GALNT14: variants seen among roughly 807,000 people sequenced by gnomAD.
GALNT14 encodes polypeptide N-acetylgalactosaminyltransferase 14.
A neutral mutation model predicts 77.5 loss-of-function variants in GALNT14; 60 were observed. That is an observed-to-expected ratio of 0.77 (90% CI 0.63 to 0.96). The LOEUF is 0.96. Among genes scored for constraint, GALNT14 ranks in the 40% least tolerant of loss-of-function variants. The probability of loss-of-function intolerance (pLI) is 0.00; values close to 1 mark genes in which losing one functional copy is unlikely to be tolerated. For missense variants in GALNT14, 710 were observed against 731.0 expected (o/e 0.97, Z 0.33); for synonymous variants, 280 against 281.7 (o/e 0.99, Z 0.06).
chr2:31,006,368 C>T (rs991087974), intron 1 of GALNT14, among the ~76,000 whole-genome samples: 2 of 151,980 alleles, frequency 1.3e-5, no homozygotes, highest in East Asian at 3.9e-4. Flanking sequence ...AGTGGTGTAG[C>T]GTTTACTACA....
intron 2 of GALNT14, among the ~76,000 whole-genome samples, chr2:30,977,561 T>C (rs1450079772): frequency 6.6e-6 from 1 of 152,180 alleles, no homozygotes; most frequent in Non-Finnish European, 1.5e-5. Flanking sequence ...CAGAGAAGCA[T>C]CATTCCCTCC....
chr2:31,014,684 G>A (rs1671238930), intron 1 of GALNT14, among the ~76,000 whole-genome samples: 1 of 152,180 alleles, frequency 6.6e-6, no homozygotes, highest in Admixed American at 6.5e-5. Context: ...CCCACTAGCA[G>A]TGTGACCTTG....
intron 1 of GALNT14, among the ~76,000 whole-genome samples, chr2:31,112,499 A>G (rs1677892558): frequency 6.6e-6 from 1 of 152,272 alleles, no homozygotes; most frequent in South Asian, 2.1e-4. Context: ...CACATGCTAA[A>G]AAATGAGGAT....
rs1370696542 is a variant in GALNT14, at chr2:31,019,210, C to T, written c.130-26203G>A. ...CAGAGTAGGCAACTCTCAGAGAGGA[C>T]AGAACTGCGATGCCTCCACTCAGCC... On this transcript the variant is annotated intron_variant, in intron 1 of 14. Transcript: ENST00000349752. 2.6e-5 allele frequency among the ~76,000 whole-genome samples: 4 copies of T among 152,268 alleles called. No homozygotes were observed. In the East Asian group the frequency reaches 7.7e-4, roughly 29 times the overall value.
At chr2:30,938,867 C>G (rs1454240214) in intron 9 of GALNT14, among the ~76,000 whole-genome samples, 1 of 152,220 alleles carries the variant, frequency 6.6e-6, no homozygotes, top group Non-Finnish European at 1.5e-5. Context: ...GCAAACATGT[C>G]TAGAACACAC....
rs1491282655 is a variant in GALNT14, at chr2:31,038,085, T to TATATATATATATATATATATA, written c.130-45079_130-45078insTATATATATATATATATATAT. ...TTTGCCATATATATATATATATATA[T>TATATATATATATATATATATA]TTTTTTTTTTTTTTTTTTTTTTTTT... On this transcript the variant is annotated intron_variant, in intron 1 of 14. Coordinates refer to ENST00000349752, the MANE Select transcript of GALNT14 (RefSeq NM_024572.4). Among the ~76,000 whole-genome samples the TATATATATATATATATATATA allele has an allele frequency of 1.4e-3, 56 of 38,856 alleles. 1 individual carries two copies. The highest frequency in any genetic ancestry group is 2.7e-3 in the South Asian group (3 of 1,100). 25.5% of individuals were successfully genotyped at this position (38,856 alleles called of 152,430 possible).
At position 30,992,790 on chromosome 2, in the gene GALNT14, G is replaced by A. The variant is rs200638866; in HGVS notation, c.299+48C>T. 64 of 1,593,246 alleles carry A rather than the reference G, an allele frequency of 4.0e-5. No individual in the cohort carries two copies. In the African/African-American group the frequency reaches 7.1e-4, roughly 18 times the overall value. On this transcript the variant is annotated intron_variant, in intron 2 of 14. Transcript: ENST00000349752. Reference sequence around the variant, plus strand: ...CAGGCCCCAGATCAAGCCTGCTGTTGATCTCTTTTGACTGCGGGGGTAACA... The same window carrying A: ...CAGGCCCCAGATCAAGCCTGCTGTTAATCTCTTTTGACTGCGGGGGTAACA...
chr2:31,078,895 C>T, intron 1 of GALNT14: 1 of 1,287,924 alleles, frequency 7.8e-7, no homozygotes, highest in Non-Finnish European at 1.0e-6. Context: ...GGTTTGGGGA[C>T]CAGGAGAGCA....
intron 1 of GALNT14, among the ~76,000 whole-genome samples, chr2:31,094,337 A>G (rs1676898963): frequency 6.6e-6 from 1 of 152,188 alleles, no homozygotes. Context: ...ACTAATGATA[A>G]TCCCACCCTT....
In GALNT14 at chr2:30,938,367, C is replaced by T. The variant is rs184938436; in HGVS notation, c.931+3834G>A. Among the ~76,000 whole-genome samples the T allele has an allele frequency of 7.5e-5, 11 of 146,026 alleles. No individual in the cohort carries two copies. In the East Asian group the frequency reaches 2.2e-3, roughly 29 times the overall value. On this transcript the variant is annotated intron_variant, in intron 9 of 14. Coordinates refer to ENST00000349752, the MANE Select transcript of GALNT14 (RefSeq NM_024572.4). ...GGGCAACAGATTCCTTTTACACACA[C>T]ACACACACACACACACACTCTCTCT...
chr2:31,041,511 T>G (rs1673092150), intron 1 of GALNT14, among the ~76,000 whole-genome samples: 1 of 151,476 alleles, frequency 6.6e-6, no homozygotes, highest in Non-Finnish European at 1.5e-5. Context: ...AGGGGTAGAG[T>G]AAAAGTTTCA....
downstream of GALNT14, among the ~76,000 whole-genome samples, chr2:30,905,530 G>C (rs551973143): frequency 6.6e-6 from 1 of 152,054 alleles, no homozygotes; most frequent in Non-Finnish European, 1.5e-5. Context: ...AAAAAGAAAT[G>C]AGCAAAGCCT....
At chr2:31,096,013 C>A (rs1558566251) in intron 1 of GALNT14, among the ~76,000 whole-genome samples, 1 of 152,134 alleles carries the variant, frequency 6.6e-6, no homozygotes, top group East Asian at 1.9e-4. Context: ...GTTTCCTTCT[C>A]TTTTCCACCT....
At chr2:31,053,021 T>C (rs1253189183) in intron 1 of GALNT14, among the ~76,000 whole-genome samples, 2 of 152,040 alleles carry the variant, frequency 1.3e-5, no homozygotes, top group Non-Finnish European at 2.9e-5. Flanking sequence ...AGCCACTCAC[T>C]CAGCCCGGCC....
rs890954348 is a variant in GALNT14, at chr2:31,120,172, A to T, written c.129+17786T>A. On this transcript the variant is annotated intron_variant, in intron 1 of 14. Transcript: ENST00000349752. Reference sequence around the variant, plus strand: ...CTCCGTCTCAAAAAAAAAAAAAAAAAAAAAAAATAATGAGCTAGCTGACCA... The same window carrying T: ...CTCCGTCTCAAAAAAAAAAAAAAAATAAAAAAATAATGAGCTAGCTGACCA... Among the ~76,000 whole-genome samples the T allele has an allele frequency of 9.8e-4, 149 of 151,784 alleles. 39 individuals are homozygous for T. Among genetic ancestry groups the T allele is most frequent in the Non-Finnish European group, 2.0e-3 (135 of 67,886 alleles).
intron 1 of GALNT14, among the ~76,000 whole-genome samples, chr2:31,109,461 T>C (rs772345255): frequency 2.6e-5 from 4 of 152,218 alleles, no homozygotes; most frequent in Admixed American, 2.0e-4. Context: ...AGACAAGGAA[T>C]GTCTGGCTTA....
chr2:30,917,477 C>G (rs1366764823), intron 13 of GALNT14, among the ~76,000 whole-genome samples: 1 of 152,222 alleles, frequency 6.6e-6, no homozygotes, highest in African/African-American at 2.4e-5. Flanking sequence ...TGGCATTACT[C>G]ACATACCACC....
At chr2:30,905,865 G>T (rs1376846075), downstream of GALNT14, among the ~76,000 whole-genome samples, 1 of 151,810 alleles carries the variant, frequency 6.6e-6, no homozygotes, top group African/African-American at 2.4e-5. Flanking sequence ...CGGATCTCTC[G>T]GCAGAAACCC....
chr2:31,018,863 C>T (rs1671544893), intron 1 of GALNT14, among the ~76,000 whole-genome samples: 1 of 152,078 alleles, frequency 6.6e-6, no homozygotes, highest in South Asian at 2.1e-4. Flanking sequence ...TGTGGTGGGG[C>T]CTGCGACCTC....
Sources: gnomAD v4.1 joint callset for allele counts (sites outside exome capture counted in the v4.1 genomes callset) on GRCh38, gnomAD v4.1.1 for gene constraint, MANE v1.5 for transcripts, NCBI Gene and HGNC (gene_info 2026-07-23, HGNC 2026-07-21) for gene names.